FBXW11: variants seen among roughly 807,000 people sequenced by gnomAD.
FBXW11 encodes F-box and WD repeat domain containing 11.
In FBXW11, 19 loss-of-function variants were observed where a neutral mutation model predicts 77.6. The observed-to-expected ratio is 0.24, with a 90% CI of 0.17 to 0.36. The LOEUF (loss-of-function observed/expected upper bound fraction) is 0.36. Ranked by LOEUF, FBXW11 falls within the 10% of genes least tolerant of loss-of-function variation. The pLI is 1.00. For missense variants in FBXW11, 334 were observed against 704.2 expected, an observed-to-expected ratio of 0.47 and a Z score of 5.95; for synonymous variants, 235 against 249.4, an observed-to-expected ratio of 0.94 and a Z score of 0.54.
chr5:171,983,511 G>A (rs890847651), intron 1 of FBXW11, among the ~76,000 whole-genome samples: 5 of 152,044 alleles, frequency 3.3e-5, no homozygotes, highest in African/African-American at 1.2e-4. Context: ...GGGCAATCTC[G>A]GGGACCAAGC....
At chr5:171,891,411 T>C in intron 7 of FBXW11, 56 bp downstream of exon 7, 2 of 1,472,382 alleles carry the variant, frequency 1.4e-6, no homozygotes, top group Non-Finnish European at 1.8e-6. Context: ...TCACATCTAG[T>C]GTCTAACACA....
At chr5:171,916,253 A>AG (rs1424825350) in intron 2 of FBXW11, among the ~76,000 whole-genome samples, 6 of 54,554 alleles carry the variant, frequency 1.1e-4, no homozygotes, top group Non-Finnish European at 2.9e-4. Context: ...AAAAAAAATG[A>AG]GAAAAAAAAA....
intron 1 of FBXW11, among the ~76,000 whole-genome samples, chr5:171,969,904 T>A (rs1764430519): frequency 6.6e-6 from 1 of 152,090 alleles, no homozygotes; most frequent in African/African-American, 2.4e-5. Flanking sequence ...GGGGTTTCAC[T>A]GTGTTGGCCA....
intron 2 of FBXW11, among the ~76,000 whole-genome samples, chr5:171,953,331 G>A (rs962411319): frequency 6.6e-6 from 1 of 152,126 alleles, no homozygotes; most frequent in East Asian, 1.9e-4. Context: ...AAATACTACA[G>A]ATTCTACCAC....
chr5:171,934,831 T>C (rs1480571919), intron 2 of FBXW11, among the ~76,000 whole-genome samples: 2 of 152,026 alleles, frequency 1.3e-5, no homozygotes, highest in African/African-American at 2.4e-5. Context: ...CTAAATATAA[T>C]TGGAGTTTCT....
At position 171,869,625 on chromosome 5, in the gene FBXW11, T is replaced by C. The variant is rs115007545; in HGVS notation, c.1530+104A>G. ...AAGACTGAAATTCTCTGAAGGCATC[T>C]TGTGAGACACACAAGCGTTCCTGTG... On this transcript the variant is annotated intron_variant, in intron 12 of 13. Transcript: ENST00000517395. This position sits in a 1 kb window ranked among gnomAD's most constrained non-coding sequence, Gnocchi z 4.1. 4.5e-3 allele frequency: 3,368 copies of C among 755,130 alleles called. 84 individuals are homozygous for C. In the African/African-American group the frequency reaches 0.054, roughly 12 times the overall value. The allele number at this position is 755,130 out of a possible 1,614,324, so 46.8% of individuals were successfully genotyped here. A position where few individuals can be genotyped will look rare whatever the true frequency, so the allele number is the denominator to read the frequency against.
At chr5:171,915,650 T>TGTGTGTGTGTGTGTGTGTGTGTGTGTGA (rs982596459) in intron 2 of FBXW11, among the ~76,000 whole-genome samples, 7 of 151,326 alleles carry the variant, frequency 4.6e-5, no homozygotes, top group South Asian at 2.1e-4. Context: ...TGTGTGTGTG[T>TGTGTGTGTGTGTGTGTGTGTGTGTGTGA]GAGCCTGAGC....
At chr5:171,957,394 G>T (rs576101895) in intron 2 of FBXW11, among the ~76,000 whole-genome samples, 2 of 152,274 alleles carry the variant, frequency 1.3e-5, no homozygotes, top group African/African-American at 4.8e-5. Context: ...GGGGAGGACA[G>T]GGCCCAGCCA....
chr5:171,867,399 T>A (rs1757467682), intron 13 of FBXW11, among the ~76,000 whole-genome samples: 1 of 152,204 alleles, frequency 6.6e-6, no homozygotes, highest in Non-Finnish European at 1.5e-5. Context: ...AAAAAATTCT[T>A]TTAATTTTTT....
At chr5:171,952,432 TATATATATATA>T (rs1435683014) in intron 2 of FBXW11, among the ~76,000 whole-genome samples, 3 of 14,440 alleles carry the variant, frequency 2.1e-4, no homozygotes, top group Non-Finnish European at 4.3e-4. Context: ...CATATATATA[TATATATATATA>T]TATATTTTTT....
rs2113761256 is a variant in FBXW11, at chr5:171,872,391, A to G, written c.1340+481T>C. Among the ~76,000 whole-genome samples the G allele has an allele frequency of 2.0e-5, 3 of 152,356 alleles. No individual in the cohort carries two copies. In the Middle Eastern group the frequency reaches 0.01, roughly 518 times the overall value. On this transcript the variant is annotated intron_variant, in intron 10 of 13. Transcript: ENST00000517395. ...TAGATATTGAAGGGATGTTCTTAGT[A>G]AGATACAAAATGTCTAAGGTTAGTC... is the stretch of plus-strand genomic sequence containing the variant.
chr5:171,868,650 A>C lies in FBXW11; in HGVS notation c.1677T>G (p.Thr559=). 1 of 1,613,200 alleles carries C rather than the reference A, an allele frequency of 6.2e-7. No homozygotes were observed. The highest frequency in any genetic ancestry group is 8.5e-7 in the Non-Finnish European group (1 of 1,179,650). Residue 559 remains threonine (T), a synonymous_variant, in exon 13 of 14, where the codon ACT becomes ACG. Transcript: ENST00000517395. ...GTGCAGACTGTTATCTAGAGATGTAAGTGTATGTTCTGGAGGGAGAACGGG... is the reference window on the plus strand; with the variant it reads ...GTGCAGACTGTTATCTAGAGATGTACGTGTATGTTCTGGAGGGAGAACGGG... ...NETRSPSRTY[T]YISR
chr5:171,936,512 A>C (rs865817984), intron 2 of FBXW11, among the ~76,000 whole-genome samples: 68 of 151,768 alleles, frequency 4.5e-4, no homozygotes, highest in African/African-American at 1.6e-3. Flanking sequence ...AAAAAAAAAA[A>C]AAACAGGAAA....
chr5:171,869,944 A>C lies in FBXW11; in HGVS notation c.1452-137T>G, dbSNP rs760031108. 2.7e-5 allele frequency: 13 copies of C among 485,612 alleles called. No homozygotes were observed. Among genetic ancestry groups the C allele is most frequent in the Non-Finnish European group, 4.1e-5 (11 of 268,224 alleles). 30.1% of individuals were successfully genotyped at this position (485,612 alleles called of 1,614,324 possible). On this transcript the variant is annotated intron_variant, in intron 11 of 13. Transcript: ENST00000517395. The surrounding 1 kb of genome is among the most constrained non-coding windows in gnomAD (Gnocchi z 4.1). ...GGGGAACATGCTTATGTTTTTACAA[A>C]TCATCTGAACCAATTACACTTGATT... is the stretch of plus-strand genomic sequence containing the variant.
At chr5:171,921,146 C>A (rs1198482167) in intron 2 of FBXW11, among the ~76,000 whole-genome samples, 2 of 152,156 alleles carry the variant, frequency 1.3e-5, no homozygotes, top group African/African-American at 4.8e-5. Context: ...CTGTACATTC[C>A]CCCTTCTCTC....
chr5:171,962,602 A>G (rs1055513707), intron 1 of FBXW11, among the ~76,000 whole-genome samples: 11 of 152,362 alleles, frequency 7.2e-5, no homozygotes, highest in African/African-American at 7.2e-5. Context: ...GAGAAACACC[A>G]TAAGTCAGTA....
intron 4 of FBXW11, among the ~76,000 whole-genome samples, chr5:171,901,919 G>A (rs917909869): frequency 3.3e-5 from 5 of 152,174 alleles, no homozygotes; most frequent in Non-Finnish European, 5.9e-5. Context: ...ATGGGCTAAA[G>A]TACTAAGGCA....
chr5:171,957,546 T>C (rs1203300148), intron 2 of FBXW11, 51 bp downstream of exon 2: 8 of 1,460,998 alleles, frequency 5.5e-6, no homozygotes, highest in Non-Finnish European at 6.7e-6. Flanking sequence ...TTTCAACAAA[T>C]GTTCATGGCA....
chr5:171,969,174 A>C (rs1196330562), intron 1 of FBXW11, among the ~76,000 whole-genome samples: 2 of 152,226 alleles, frequency 1.3e-5, no homozygotes, highest in East Asian at 3.8e-4. Flanking sequence ...AGTCTGAGCC[A>C]GAAGAATCAT....
Sources: allele counts gnomAD v4.1 joint callset (sites outside exome capture counted in the v4.1 genomes callset), GRCh38; gene constraint gnomAD v4.1.1; non-coding constraint Gnocchi (gnomAD v3.1); transcripts MANE v1.5; gene names NCBI Gene and HGNC (gene_info 2026-07-23, HGNC 2026-07-21).